SLC39A11: variants seen among roughly 807,000 people sequenced by gnomAD.
SLC39A11 encodes the protein solute carrier family 39 member 11, also known as zinc transporter ZIP11.
Under a neutral mutation model 36.1 loss-of-function variants are expected in SLC39A11, and 33 were observed. That is an observed-to-expected ratio of 0.91 (90% CI 0.69 to 1.22). The LOEUF (loss-of-function observed/expected upper bound fraction) is 1.22, where lower values mean the gene tolerates loss of function less well. Among genes scored for constraint, SLC39A11 ranks in the 50% most tolerant of loss-of-function variants. The probability of loss-of-function intolerance (pLI) is 0.00; values close to 1 mark genes in which losing one functional copy is unlikely to be tolerated. For synonymous variants in SLC39A11, 166 were observed against 170.3 expected (o/e 0.97, Z 0.20); for missense variants, 432 against 430.3 (o/e 1.00, Z -0.03).
chr17:72,862,248 G>A (rs760801994), intron 5 of SLC39A11, among the ~76,000 whole-genome samples: 3 of 152,200 alleles, frequency 2.0e-5, no homozygotes, highest in Non-Finnish European at 4.4e-5. Context: ...TGCTTTCTGA[G>A]ATGGAAGTGT....
intron 7 of SLC39A11, chr17:72,725,600 T>C (rs1389720893): frequency 3.3e-5 from 5 of 152,210 alleles, no homozygotes; most frequent in Non-Finnish European, 5.9e-5. Flanking sequence ...TCACCTTTCC[T>C]GGTCAAACTT....
chr17:72,872,991 T>C (rs1303122379), intron 5 of SLC39A11, among the ~76,000 whole-genome samples: 1 of 150,614 alleles, frequency 6.6e-6, no homozygotes, highest in Non-Finnish European at 1.5e-5. Flanking sequence ...GAGGCGGAGC[T>C]TGCAGTGAGC....
At chr17:72,788,339 C>A (rs1267879519) in intron 6 of SLC39A11, among the ~76,000 whole-genome samples, 1 of 152,188 alleles carries the variant, frequency 6.6e-6, no homozygotes, top group Non-Finnish European at 1.5e-5. Context: ...TGTTTCCATG[C>A]ATTATTAGTT....
At position 72,948,004 on chromosome 17, in the gene SLC39A11, G is replaced by A. The variant is rs1331288748; in HGVS notation, c.307-129C>T. 9 of 1,193,448 alleles carry A rather than the reference G, an allele frequency of 7.5e-6. No homozygotes were observed. The South Asian group carries it at 9.9e-5, about 13-fold the overall frequency. The allele number at this position is 1,193,448 out of a possible 1,614,324, so 73.9% of individuals were successfully genotyped here. Reference sequence around the variant, plus strand: ...ACCGCCACAGCTGAGCCAGTCCTCCGGCCAACCCAGTTGCCAGGCCATGCT... The same window carrying A: ...ACCGCCACAGCTGAGCCAGTCCTCCAGCCAACCCAGTTGCCAGGCCATGCT... On this transcript the variant is annotated intron_variant, in intron 4 of 9. Coordinates refer to ENST00000255559, the MANE Select transcript of SLC39A11 (RefSeq NM_139177.4).
At chr17:73,076,729 G>T (rs192075517) in intron 3 of SLC39A11, among the ~76,000 whole-genome samples, 2 of 152,104 alleles carry the variant, frequency 1.3e-5, no homozygotes, top group Admixed American at 1.3e-4. Flanking sequence ...ATTTCTCCAA[G>T]GATACAGACT....
chr17:73,032,875 G>C (rs570265847), intron 3 of SLC39A11, among the ~76,000 whole-genome samples: 1 of 152,296 alleles, frequency 6.6e-6, no homozygotes, highest in Admixed American at 6.5e-5. Context: ...CACCCCAGAG[G>C]CAGATGATGT....
At chr17:72,999,451 G>A (rs371134145) in intron 4 of SLC39A11, among the ~76,000 whole-genome samples, 1 of 152,172 alleles carries the variant, frequency 6.6e-6, no homozygotes, top group Admixed American at 6.5e-5. Context: ...GGAAAGATCC[G>A]CTCCAGGCTG....
At chr17:72,924,083 G>T (rs1011048401) in intron 5 of SLC39A11, among the ~76,000 whole-genome samples, 1 of 150,270 alleles carries the variant, frequency 6.7e-6, no homozygotes, top group Non-Finnish European at 1.5e-5. Flanking sequence ...GGCTATCAAG[G>T]CTGCAGTGAG....
rs151077574 is a variant in SLC39A11, at chr17:73,013,642, T to C, written c.306+17914A>G. On this transcript the variant is annotated intron_variant, in intron 4 of 9. Coordinates refer to ENST00000255559, the MANE Select transcript of SLC39A11 (RefSeq NM_139177.4). ...AGGTGGCCCAGGACGGCTTTGAATG[T>C]AACACAATAAAAATTCATAAACTTT... Among the ~76,000 whole-genome samples, 757 of 152,176 alleles carry C rather than the reference T, an allele frequency of 5.0e-3. 4 individuals carry two copies. The highest frequency in any genetic ancestry group is 0.017 in the African/African-American group (717 of 41,532).
At chr17:72,785,383 A>C (rs1395855399) in intron 6 of SLC39A11, among the ~76,000 whole-genome samples, 2 of 136,614 alleles carry the variant, frequency 1.5e-5, no homozygotes, top group Admixed American at 7.1e-5. Context: ...CCAGAGAAAG[A>C]GTCGGGAGAA....
intron 7 of SLC39A11, among the ~76,000 whole-genome samples, chr17:72,676,836 C>T (rs1273653171): frequency 6.6e-6 from 1 of 152,266 alleles, no homozygotes; most frequent in Non-Finnish European, 1.5e-5. Context: ...CACTGGTTCT[C>T]GAATGAGCTT....
chr17:72,893,155 C>T (rs933798807), intron 5 of SLC39A11, among the ~76,000 whole-genome samples: 1 of 152,180 alleles, frequency 6.6e-6, no homozygotes, highest in Non-Finnish European at 1.5e-5. Flanking sequence ...AAGCCCAATA[C>T]TATTGAATGA....
intron 6 of SLC39A11, among the ~76,000 whole-genome samples, chr17:72,776,510 CTA>C (rs2076135383): frequency 6.7e-6 from 1 of 149,534 alleles, no homozygotes; most frequent in African/African-American, 2.5e-5. Flanking sequence ...AAATTATTCT[CTA>C]TATCAAAATA....
At chr17:72,804,472 C>A (rs2077189924) in intron 6 of SLC39A11, among the ~76,000 whole-genome samples, 1 of 152,158 alleles carries the variant, frequency 6.6e-6, no homozygotes, top group African/African-American at 2.4e-5. Flanking sequence ...TGGATATGAT[C>A]TATTACAAAG....
At chr17:72,909,664 T>C (rs990762151) in intron 5 of SLC39A11, among the ~76,000 whole-genome samples, 2 of 151,930 alleles carry the variant, frequency 1.3e-5, no homozygotes, top group Non-Finnish European at 2.9e-5. Context: ...TGTTGATTTA[T>C]GCCAAAGTCC....
chr17:72,934,067 C>T (rs936581179), intron 5 of SLC39A11, among the ~76,000 whole-genome samples: 2 of 151,288 alleles, frequency 1.3e-5, no homozygotes, highest in South Asian at 2.1e-4. Flanking sequence ...CTACCTGACA[C>T]CATATTTTTT....
Position 72,945,277 on chromosome 17 carries a change from C to T in SLC39A11, c.430+2475G>A, listed in dbSNP as rs549804790. Among the ~76,000 whole-genome samples the T allele has an allele frequency of 3.3e-5, 5 of 152,362 alleles. No individual in the cohort carries two copies. In the South Asian group the frequency reaches 1.0e-3, roughly 32 times the overall value. ...TGCTCCTCAGAGCAGCTGAACTCCT[C>T]TCCCAGAGTGTGGCCTTTCTAGTTC... On this transcript the variant is annotated intron_variant, in intron 5 of 9. Transcript: ENST00000255559.
At chr17:72,705,817 C>T (rs1310665819) in intron 7 of SLC39A11, among the ~76,000 whole-genome samples, 1 of 152,234 alleles carries the variant, frequency 6.6e-6, no homozygotes, top group East Asian at 1.9e-4. Flanking sequence ...ACAATTCCAT[C>T]TCTTTGTAGT....
intron 5 of SLC39A11, among the ~76,000 whole-genome samples, chr17:72,872,031 A>G (rs2080659720): frequency 6.6e-6 from 1 of 152,200 alleles, no homozygotes; most frequent in Non-Finnish European, 1.5e-5. Flanking sequence ...GGAACACTGC[A>G]CACATTTGGT....
Sources: allele counts gnomAD v4.1 joint callset (sites outside exome capture counted in the v4.1 genomes callset), GRCh38; gene constraint gnomAD v4.1.1; transcripts MANE v1.5; gene names NCBI Gene and HGNC (gene_info 2026-07-23, HGNC 2026-07-21).